RABGAP1L: variants seen among roughly 807,000 people sequenced by gnomAD.
The protein encoded by RABGAP1L is rab GTPase-activating protein 1-like.
Under a neutral mutation model 137.7 loss-of-function variants are expected in RABGAP1L, and 63 were observed. The ratio of observed to expected loss-of-function variants is 0.46; its 90% CI spans 0.37 to 0.56. The LOEUF is 0.56. RABGAP1L is among the 20% of genes least tolerant of loss of function. RABGAP1L has a pLI of 0.00. For synonymous variants in RABGAP1L, 431 were observed against 433.7 expected (o/e 0.99, Z 0.08); for missense variants, 1,095 against 1,244.0 (o/e 0.88, Z 1.80).
intron 14 of RABGAP1L, among the ~76,000 whole-genome samples, chr1:174,682,746 T>A (rs16847335): frequency 0.21 from 32,657 of 152,182 alleles, 3,812 homozygotes; most frequent in Admixed American, 0.25. Flanking sequence ...TAAGAGGGAA[T>A]GTTAAGTTGA....
At chr1:174,772,444 C>T (rs529570961) in intron 18 of RABGAP1L, among the ~76,000 whole-genome samples, 11 of 150,794 alleles carry the variant, frequency 7.3e-5, no homozygotes, top group African/African-American at 1.2e-4. Context: ...GGTGTTGTGG[C>T]GTGTGCCTGG....
chr1:174,337,093 A>T (rs115890176), intron 11 of RABGAP1L, among the ~76,000 whole-genome samples: 6 of 152,096 alleles, frequency 3.9e-5, no homozygotes, highest in African/African-American at 1.4e-4. Context: ...AAAAAAATTT[A>T]GCATCTTAAA....
At chr1:174,638,983 A>G (rs1375038963) in intron 14 of RABGAP1L, among the ~76,000 whole-genome samples, 3 of 148,380 alleles carry the variant, frequency 2.0e-5, no homozygotes, top group Admixed American at 6.7e-5. Context: ...ACATGTATAC[A>G]TATGTATCTA....
intron 13 of RABGAP1L, among the ~76,000 whole-genome samples, chr1:174,565,458 C>T (rs1195942394): frequency 2.6e-5 from 4 of 152,000 alleles, no homozygotes; most frequent in Non-Finnish European, 5.9e-5. Flanking sequence ...AGCTAATTGC[C>T]CCACTTGTTT....
intron 13 of RABGAP1L, among the ~76,000 whole-genome samples, chr1:174,462,721 C>G (rs1348074649): frequency 6.6e-6 from 1 of 152,046 alleles, no homozygotes; most frequent in African/African-American, 2.4e-5. Flanking sequence ...GTCTGTTGTT[C>G]CAATCTTTAT....
intron 11 of RABGAP1L, among the ~76,000 whole-genome samples, chr1:174,335,449 T>C (rs1681397352): frequency 6.6e-6 from 1 of 152,230 alleles, no homozygotes; most frequent in African/African-American, 2.4e-5. Context: ...TCTTTGCCTA[T>C]CTTTCAAATG....
chr1:174,279,390 T>A (rs1014362631), intron 10 of RABGAP1L, among the ~76,000 whole-genome samples: 1 of 152,188 alleles, frequency 6.6e-6, no homozygotes, highest in Admixed American at 6.5e-5. Flanking sequence ...TGTGAGTTTT[T>A]AAAAAATCAG....
intron 19 of RABGAP1L, among the ~76,000 whole-genome samples, chr1:174,841,335 G>C (rs868498375): frequency 6.6e-6 from 1 of 152,030 alleles, no homozygotes; most frequent in Middle Eastern, 3.6e-3. Flanking sequence ...ATCATCACCT[G>C]GACATTTTAA....
intron 19 of RABGAP1L, among the ~76,000 whole-genome samples, chr1:174,884,839 C>G (rs1182208069): frequency 6.6e-6 from 1 of 152,194 alleles, no homozygotes; most frequent in African/African-American, 2.4e-5. Context: ...TTCTTTATTT[C>G]TATGGCAGAA....
intron 13 of RABGAP1L, among the ~76,000 whole-genome samples, chr1:174,632,722 G>A (rs1380322482): frequency 1.9e-4 from 27 of 145,422 alleles, no homozygotes; most frequent in Middle Eastern, 6.9e-3. Flanking sequence ...CGTAGTTCTC[G>A]AGCCTTGGTT....
intron 1 of RABGAP1L, among the ~76,000 whole-genome samples, chr1:174,194,768 G>T (rs1203715954): frequency 1.3e-5 from 2 of 152,204 alleles, no homozygotes; most frequent in African/African-American, 4.8e-5. Flanking sequence ...CAACAGATAG[G>T]TGGTTGCCAG....
chr1:174,837,387 A>G (rs932946560), intron 19 of RABGAP1L, among the ~76,000 whole-genome samples: 1 of 152,242 alleles, frequency 6.6e-6, no homozygotes, highest in Non-Finnish European at 1.5e-5. Context: ...TTAAGTTGTT[A>G]TCACCTTTGT....
At chr1:174,779,998 G>A (rs1387079922) in intron 18 of RABGAP1L, among the ~76,000 whole-genome samples, 4 of 151,224 alleles carry the variant, frequency 2.6e-5, no homozygotes, top group South Asian at 2.1e-4. Context: ...CCCAGGAGGG[G>A]GAGATTGCAG....
At chr1:174,598,435 A>G (rs533700233) in intron 13 of RABGAP1L, among the ~76,000 whole-genome samples, 15 of 151,336 alleles carry the variant, frequency 9.9e-5, no homozygotes, top group East Asian at 1.9e-4. Flanking sequence ...CATTTGGTTT[A>G]TAGTGCTAAG....
intron 5 of RABGAP1L, among the ~76,000 whole-genome samples, chr1:174,250,075 TC>T (rs745739660): frequency 2.0e-5 from 3 of 152,200 alleles, no homozygotes; most frequent in Non-Finnish European, 4.4e-5. Context: ...TTGAAAACCC[TC>T]CTCAGATTTG....
chr1:174,223,264 TAAAAAAA>T (rs550034492), intron 3 of RABGAP1L, among the ~76,000 whole-genome samples: 9 of 39,848 alleles, frequency 2.3e-4, no homozygotes, highest in Admixed American at 5.2e-4. Flanking sequence ...AGACTCTGTC[TAAAAAAA>T]AAAAAAAAAA....
rs572185992 is a variant in RABGAP1L at position 174,635,277 on chromosome 1, G to A, written c.1711-2098G>A. 7.2e-5 allele frequency among the ~76,000 whole-genome samples: 11 copies of A among 152,180 alleles called. No individual in the cohort carries two copies. In the East Asian group the frequency reaches 1.9e-3, roughly 27 times the overall value. On this transcript the variant is annotated intron_variant, in intron 13 of 25. Coordinates refer to ENST00000681986, the MANE Select transcript of RABGAP1L (RefSeq NM_001366446.1). The stretch of plus-strand genomic sequence containing the variant: ...AAAGTACAAAAAGAGTTATCCTGCG[G>A]GCCAATAGGCACATATTTACCCCTG...
At chr1:174,877,697 T>A in intron 19 of RABGAP1L, 1 of 1,328,628 alleles carries the variant, frequency 7.5e-7, no homozygotes, top group Non-Finnish European at 1.1e-6. Context: ...TAACTTGCTG[T>A]TGGCTTTGTG....
chr1:174,812,099 A>T, intron 19 of RABGAP1L, 139 bp downstream of exon 19: 1 of 811,610 alleles, frequency 1.2e-6, no homozygotes, highest in Non-Finnish European at 1.7e-6. Context: ...TTTCTCCCAG[A>T]TGTGTTTGTC....
Sources: allele counts gnomAD v4.1 joint callset (sites outside exome capture counted in the v4.1 genomes callset), GRCh38; gene constraint gnomAD v4.1.1; transcripts MANE v1.5; gene names NCBI Gene and HGNC (gene_info 2026-07-23, HGNC 2026-07-21).